The following CD59 variants were observed in gnomAD, a reference collection of about 807,000 sequenced individuals.
CD59 encodes CD59 molecule (CD59 blood group).
CD59 carries 3 observed loss-of-function variants against 7.0 expected under a neutral mutation model. That is an observed-to-expected ratio of 0.43 (90% confidence interval 0.19 to 1.10). The LOEUF is 1.10. Ranked by LOEUF, CD59 falls within the 50% of genes least tolerant of loss-of-function variation. CD59 has a pLI of 0.29. For missense variants in CD59, 143 were observed against 151.0 expected (o/e 0.95, Z 0.28); for synonymous variants, 60 against 62.0 (o/e 0.97, Z 0.15).
At chr11:33,719,007 A>G (rs1485139947) in intron 2 of CD59, 1 of 152,238 alleles carries the variant, frequency 6.6e-6, no homozygotes, top group Non-Finnish European at 1.5e-5. Flanking sequence ...CTCTGTGAAA[A>G]GACATTTTCA....
Position 33,723,483 on chromosome 11 carries a change from T to C in CD59, c.-18-1020A>G, listed in dbSNP as rs149649122. ...CCAGGAAAAGGGCAGGGTCTGACAT[T>C]GTCCAAAAAAGAAAACAATCAGTGA... On this transcript the variant is annotated intron_variant, in intron 1 of 3. Transcript: ENST00000642928. Among the ~76,000 whole-genome samples the C allele has an allele frequency of 4.1e-3, 629 of 152,268 alleles. 3 individuals are homozygous for C. Among genetic ancestry groups the C allele is most frequent in the Non-Finnish European group, 6.2e-3 (422 of 68,008 alleles).
chr11:33,716,962 T>G (rs566649571), intron 3 of CD59, among the ~76,000 whole-genome samples: 4 of 152,372 alleles, frequency 2.6e-5, no homozygotes, highest in African/African-American at 9.6e-5. Flanking sequence ...TTTAATTGTA[T>G]GTGTCCTTTC....
At chr11:33,717,580 T>G (rs564635998) in intron 2 of CD59, 109 bp from the exon 3 acceptor site, 478 of 723,404 alleles carry the variant, frequency 6.6e-4, no homozygotes, top group Non-Finnish European at 1.1e-3. Flanking sequence ...GTGGTATACT[T>G]CCACTCCCGC....
At position 33,717,140 on chromosome 11, in the gene CD59, C is replaced by T. The variant is rs1045378699; in HGVS notation, c.169+230G>A. The stretch of plus-strand genomic sequence containing the variant: ...ACTTAACCATAATTTCTTGCTTAAT[C>T]TGAACCTCCATTTCCACATTTATCA... On this transcript the variant is annotated intron_variant, in intron 3 of 3. Transcript: ENST00000642928. 2.0e-5 allele frequency among the ~76,000 whole-genome samples: 3 copies of T among 152,210 alleles called. No individual in the cohort carries two copies. In the South Asian group the frequency reaches 6.2e-4, roughly 32 times the overall value.
intron 1 of CD59, among the ~76,000 whole-genome samples, chr11:33,729,122 T>A (rs1854340414): frequency 6.6e-6 from 1 of 152,088 alleles, no homozygotes; most frequent in Non-Finnish European, 1.5e-5. Flanking sequence ...TCCTCAAGGA[T>A]CTAGAACATC....
In CD59 at chr11:33,722,473, A is replaced by G. The variant is rs1854115559; in HGVS notation, c.-18-10T>C. 6.2e-7 allele frequency: 1 copy of G among 1,613,312 alleles called. No individual in the cohort carries two copies. Among genetic ancestry groups the G allele is most frequent in the Admixed American group, 1.7e-5 (1 of 59,966 alleles). On this transcript the variant is annotated splice_polypyrimidine_tract_variant and intron_variant, in intron 1 of 3. Coordinates refer to ENST00000642928, the MANE Select transcript of CD59 (RefSeq NM_000611.6). The stretch of plus-strand genomic sequence containing the variant: ...TGATTGTCCACAGAACCTGGAAGGA[A>G]GGGACAGGAAGGAATGTCAGGAACG...
chr11:33,703,148 G>A lies in CD59; in HGVS notation c.*6978C>T, dbSNP rs1013987705. On this transcript the variant is annotated 3_prime_UTR_variant, in exon 4 of 4. Transcript: ENST00000642928. ...AGATAATCTAAACAGATTTTACTCT[G>A]GATGGCTTAATTATAACATAATCCA... The A allele has an allele frequency of 2.0e-5, 3 of 152,068 alleles. No individual in the cohort carries two copies. Among genetic ancestry groups the A allele is most frequent in the African/African-American group, 7.3e-5 (3 of 41,376 alleles). The allele number at this position is 152,068 out of a possible 1,614,324, so 9.4% of individuals were successfully genotyped here. A position where few individuals can be genotyped will look rare whatever the true frequency, so the allele number is the denominator to read the frequency against.
At chr11:33,713,338 C>G (rs1853647791) in intron 3 of CD59, among the ~76,000 whole-genome samples, 1 of 152,184 alleles carries the variant, frequency 6.6e-6, no homozygotes, top group African/African-American at 2.4e-5. Context: ...GAAAAAAACG[C>G]AGATGCATAC....
rs1355977997 is a variant in CD59, at chr11:33,709,345, G to T, written c.*781C>A. Reference sequence around the variant, plus strand: ...ATTTAAAATAAGCACACTTAATACTGCCAGTCACATGTAGTAGAGTGTTCA... The same window carrying T: ...ATTTAAAATAAGCACACTTAATACTTCCAGTCACATGTAGTAGAGTGTTCA... On this transcript the variant is annotated 3_prime_UTR_variant, in exon 4 of 4. Coordinates refer to ENST00000642928, the MANE Select transcript of CD59 (RefSeq NM_000611.6). 6.5e-6 allele frequency: 1 copy of T among 153,068 alleles called. No individual in the cohort carries two copies. The highest frequency in any genetic ancestry group is 6.5e-5 in the Admixed American group (1 of 15,400). The allele number at this position is 153,068 out of a possible 1,614,324, so 9.5% of individuals were successfully genotyped here. A position where few individuals can be genotyped will look rare whatever the true frequency, so the allele number is the denominator to read the frequency against.
rs929497930 is a variant in CD59, at chr11:33,704,706, T to G, written c.*5420A>C. The stretch of plus-strand genomic sequence containing the variant: ...TTAGCATCAGAGCCGGCATTTCAAA[T>G]AGACAGGCCAGCTCTAGAGGCCAGG... On this transcript the variant is annotated 3_prime_UTR_variant, in exon 4 of 4. Transcript: ENST00000642928. 5 of 152,376 alleles carry G rather than the reference T, an allele frequency of 3.3e-5. No homozygotes were observed. Among genetic ancestry groups the G allele is most frequent in the Non-Finnish European group, 5.9e-5 (4 of 68,040 alleles). 9.4% of individuals were successfully genotyped at this position (152,376 alleles called of 1,614,324 possible).
intron 1 of CD59, among the ~76,000 whole-genome samples, chr11:33,725,324 T>C (rs1854224632): frequency 6.8e-6 from 1 of 146,330 alleles, no homozygotes; most frequent in Non-Finnish European, 1.5e-5. Flanking sequence ...ATAAGTTAAG[T>C]GTAGATAAGA....
At chr11:33,720,811 G>C (rs183801286) in intron 2 of CD59, among the ~76,000 whole-genome samples, 1 of 152,222 alleles carries the variant, frequency 6.6e-6, no homozygotes, top group Non-Finnish European at 1.5e-5. Context: ...CAGGGTAGAC[G>C]AGGTTTCCCC....
rs1239223541 is a variant in CD59 at position 33,736,301 on chromosome 11, G to A, written c.-19+81C>T. Reference sequence around the variant, plus strand: ...AGCGAGGACGGGGGTAGCCCCCACAGACCCTCCGCCCGGGCCCAGACTGCC... The same window carrying A: ...AGCGAGGACGGGGGTAGCCCCCACAAACCCTCCGCCCGGGCCCAGACTGCC... On this transcript the variant is annotated intron_variant, in intron 1 of 3. Coordinates refer to ENST00000642928, the MANE Select transcript of CD59 (RefSeq NM_000611.6). This position sits in a 1 kb window ranked among gnomAD's most constrained non-coding sequence, Gnocchi z 4.4. The A allele has an allele frequency of 6.6e-6, 1 of 152,348 alleles. No individual in the cohort carries two copies. Among genetic ancestry groups the A allele is most frequent in the Non-Finnish European group, 1.5e-5 (1 of 68,258 alleles). 9.4% of individuals were successfully genotyped at this position (152,348 alleles called of 1,614,324 possible). A position where few individuals can be genotyped will look rare whatever the true frequency, so the allele number is the denominator to read the frequency against.
intron 1 of CD59, chr11:33,722,682 C>G: frequency 7.4e-7 from 1 of 1,356,120 alleles, no homozygotes; most frequent in Non-Finnish European, 9.6e-7. Context: ...TACTACCACA[C>G]TGTGGGAATA....
intron 1 of CD59, among the ~76,000 whole-genome samples, chr11:33,724,889 C>A (rs576760166): frequency 4.8e-4 from 73 of 151,852 alleles, no homozygotes; most frequent in African/African-American, 1.7e-3. Context: ...TCGGGCTGTT[C>A]CATCAAAATA....
At chr11:33,721,929 G>A (rs978573810) in intron 2 of CD59, among the ~76,000 whole-genome samples, 1 of 152,184 alleles carries the variant, frequency 6.6e-6, no homozygotes, top group Non-Finnish European at 1.5e-5. Context: ...GCACATAAAT[G>A]CTTCAGGGTT....
At chr11:33,721,369 G>A (rs1440545140) in intron 2 of CD59, among the ~76,000 whole-genome samples, 1 of 152,166 alleles carries the variant, frequency 6.6e-6, no homozygotes, top group Non-Finnish European at 1.5e-5. Flanking sequence ...AATGAGACAG[G>A]CTCTGGCACA....
chr11:33,721,671 T>C (rs1192914895), intron 2 of CD59, among the ~76,000 whole-genome samples: 2 of 151,782 alleles, frequency 1.3e-5, no homozygotes, highest in Admixed American at 1.3e-4. Flanking sequence ...AGGGGAGGGG[T>C]GGCTGAGGAG....
In CD59 at chr11:33,706,463, A is replaced by G. The variant is rs1296270957; in HGVS notation, c.*3663T>C. 6.6e-6 allele frequency: 1 copy of G among 151,768 alleles called. No homozygotes were observed. Among genetic ancestry groups the G allele is most frequent in the Non-Finnish European group, 1.5e-5 (1 of 67,992 alleles). The allele number at this position is 151,768 out of a possible 1,614,324, so 9.4% of individuals were successfully genotyped here. On this transcript the variant is annotated 3_prime_UTR_variant, in exon 4 of 4. Transcript: ENST00000642928. ...GTAAATCCATAACTAGCATCTTCCT[A>G]TCTGGCAGACCCTTTACAAATGCAT...
Sources: gnomAD v4.1 joint callset for allele counts (sites outside exome capture counted in the v4.1 genomes callset) on GRCh38, gnomAD v4.1.1 for gene constraint, Gnocchi (gnomAD v3.1) non-coding constraint, MANE v1.5 for transcripts, NCBI Gene and HGNC (gene_info 2026-07-23, HGNC 2026-07-21) for gene names.